ANKAR: variants seen among roughly 807,000 people sequenced by gnomAD.
The protein encoded by ANKAR is ankyrin and armadillo repeat-containing protein.
In ANKAR, 136 loss-of-function variants were observed where a neutral mutation model predicts 146.2. The observed-to-expected ratio is 0.93, with a 90% CI of 0.81 to 1.07. ANKAR has a LOEUF of 1.07. Ranked by LOEUF, ANKAR falls within the 50% of genes least tolerant of loss-of-function variation. The probability of loss-of-function intolerance (pLI) is 0.00; values close to 1 mark genes in which losing one functional copy is unlikely to be tolerated. For missense variants in ANKAR, 1,567 were observed against 1,679.9 expected (o/e 0.93, Z 1.18); for synonymous variants, 500 against 575.8 (o/e 0.87, Z 1.88).
At chr2:189,697,420 A>G (rs989170306) in intron 7 of ANKAR, among the ~76,000 whole-genome samples, 1 of 152,126 alleles carries the variant, frequency 6.6e-6, no homozygotes, top group African/African-American at 2.4e-5. Flanking sequence ...GTGATTTTAT[A>G]TTTAATGAAG....
chr2:189,708,036 A>G (rs941607535), intron 9 of ANKAR, among the ~76,000 whole-genome samples: 26 of 152,192 alleles, frequency 1.7e-4, no homozygotes, highest in African/African-American at 6.3e-4. Flanking sequence ...AATAGAAAGG[A>G]GAGGGACCCG....
At position 189,728,604 on chromosome 2, in the gene ANKAR, A is replaced by G. The variant is rs1343941457; in HGVS notation, c.3032-56A>G. 2.5e-6 allele frequency: 4 copies of G among 1,578,048 alleles called. No individual in the cohort carries two copies. In the East Asian group the frequency reaches 6.7e-5, roughly 26 times the overall value. On this transcript the variant is annotated intron_variant, in intron 14 of 22. Coordinates refer to ENST00000684021, the MANE Select transcript of ANKAR (RefSeq NM_001378068.1). ...AAGTGTCAGCCACCGTGTCCTCTGC[A>G]TAATGTAGAACAGGGCACTGGAGTA...
Position 189,738,623 on chromosome 2 carries a change from G to A in ANKAR, c.3641G>A (p.Gly1214Asp). 1 of 1,612,616 alleles carries A rather than the reference G, an allele frequency of 6.2e-7. No homozygotes were observed. Among genetic ancestry groups the A allele is most frequent in the Non-Finnish European group, 8.5e-7 (1 of 1,179,220 alleles). Residue 1214 changes from glycine to aspartate, a missense_variant, in exon 19 of 23, where the codon GGT (glycine) becomes GAT (aspartate). Gly to Asp is a moderately conservative substitution (Grantham distance 94, BLOSUM62 -1). Coordinates refer to ENST00000684021, the MANE Select transcript of ANKAR (RefSeq NM_001378068.1). Reference sequence around the variant, plus strand: ...GACCATATTACTTTGTCTGCAAGAGGTGTTACTATTTTAGTTGATAGTCTG... The same window carrying A: ...GACCATATTACTTTGTCTGCAAGAGATGTTACTATTTTAGTTGATAGTCTG... ...DMDHITLSAR[G>D]VTILVDSLYS...
chr2:189,722,836 C>T (rs1052698086), intron 12 of ANKAR, among the ~76,000 whole-genome samples: 1 of 150,240 alleles, frequency 6.7e-6, no homozygotes, highest in African/African-American at 2.4e-5. Flanking sequence ...GAGCCGAGAT[C>T]ATGCCACTGC....
chr2:189,725,966 C>T (rs1276705713), intron 12 of ANKAR, among the ~76,000 whole-genome samples: 1 of 152,042 alleles, frequency 6.6e-6, no homozygotes, highest in African/African-American at 2.4e-5. Flanking sequence ...AGCCTGTGCC[C>T]TCATCCTGAT....
intron 19 of ANKAR, among the ~76,000 whole-genome samples, chr2:189,739,176 C>T (rs549610248): frequency 6.2e-4 from 94 of 152,282 alleles, no homozygotes; most frequent in African/African-American, 2.2e-3. Flanking sequence ...ATAACTGTGT[C>T]TACTGCAGAC....
intron 17 of ANKAR, 55 bp from the exon 18 acceptor site, chr2:189,737,623 ATTATG>A: frequency 6.8e-7 from 1 of 1,471,152 alleles, no homozygotes; most frequent in Non-Finnish European, 9.1e-7. Flanking sequence ...CTTAAAGTCT[ATTATG>A]TTGAGTAACA....
chr2:189,752,838 C>T (rs2045488178), intron 18 of ANKAR: 1 of 1,613,480 alleles, frequency 6.2e-7, no homozygotes. Flanking sequence ...CACGTATATC[C>T]TGTGGCTTAC....
At chr2:189,744,387 C>T (rs529314802) in intron 21 of ANKAR, among the ~76,000 whole-genome samples, 43 of 152,298 alleles carry the variant, frequency 2.8e-4, no homozygotes, top group African/African-American at 9.6e-4. Context: ...TAGTATTTTA[C>T]ACAGTCACTC....
chr2:189,681,961 C>T (rs1361063178), intron 2 of ANKAR, among the ~76,000 whole-genome samples: 1 of 152,156 alleles, frequency 6.6e-6, no homozygotes, highest in Non-Finnish European at 1.5e-5. Flanking sequence ...CACCCTTTTC[C>T]ACTGCAACAG....
intron 7 of ANKAR, among the ~76,000 whole-genome samples, chr2:189,696,820 G>A (rs1559077988): frequency 1.3e-5 from 2 of 152,110 alleles, no homozygotes; most frequent in African/African-American, 4.8e-5. Flanking sequence ...GGTCCCAGTA[G>A]AACAATCATT....
intron 2 of ANKAR, among the ~76,000 whole-genome samples, chr2:189,688,480 T>C (rs2105789276): frequency 6.6e-6 from 1 of 152,346 alleles, no homozygotes; most frequent in Non-Finnish European, 1.5e-5. Flanking sequence ...GATTATTTTT[T>C]CTATTTCTAT....
At chr2:189,739,848 C>T (rs539288041) in intron 19 of ANKAR, among the ~76,000 whole-genome samples, 35 of 152,252 alleles carry the variant, frequency 2.3e-4, no homozygotes, top group Admixed American at 2.2e-3. Flanking sequence ...AGGTATGAGC[C>T]ACCACACCTG....
downstream of ANKAR, chr2:189,761,516 A>C: frequency 6.2e-7 from 1 of 1,613,330 alleles, no homozygotes; most frequent in Non-Finnish European, 8.5e-7. Flanking sequence ...ACTAGTTTCA[A>C]TTCCCAATAC....
Position 189,719,739 on chromosome 2 carries a change from G to A in ANKAR, c.2392G>A (p.Glu798Lys). 1 of 1,613,804 alleles carries A rather than the reference G, an allele frequency of 6.2e-7. No individual in the cohort carries two copies. Among genetic ancestry groups the A allele is most frequent in the Non-Finnish European group, 8.5e-7 (1 of 1,179,718 alleles). ...LINLLVCDEP[E>K]VHSRCAVILY... ...CAACCTACTGGTTTGTGATGAGCCT[G>A]AAGTACACTCTCGCTGTGCTGTCAT... The change falls in exon 11 of 23, where the codon GAA becomes AAA. Residue 798 changes from glutamate to lysine, a missense_variant. By Grantham distance (56) the Glu-to-Lys change is moderately conservative (BLOSUM62 1). Transcript: ENST00000684021.
In ANKAR at chr2:189,742,971, CACACACACA is replaced by C. The variant is rs558116332; in HGVS notation, c.3811-303_3811-295del. 7.6e-4 allele frequency among the ~76,000 whole-genome samples: 97 copies of C among 127,130 alleles called. 1 individual carries two copies. Among genetic ancestry groups the C allele is most frequent in the Non-Finnish European group, 1.3e-3 (78 of 58,338 alleles). The allele number at this position is 127,130 out of a possible 152,430, so 83.4% of individuals were successfully genotyped here. A position where few individuals can be genotyped will look rare whatever the true frequency, so the allele number is the denominator to read the frequency against. The stretch of plus-strand genomic sequence containing the variant: ...ACACACACACACACACACACACACA[CACACACACA>C]CCCCTGAAAGGATTCTGATTTAGTT... On this transcript the variant is annotated intron_variant, in intron 20 of 22. Coordinates refer to ENST00000684021, the MANE Select transcript of ANKAR (RefSeq NM_001378068.1).
intron 10 of ANKAR, 151 bp from the exon 11 acceptor site, chr2:189,719,421 A>G (rs2040978134): frequency 3.6e-6 from 2 of 557,006 alleles, no homozygotes; most frequent in East Asian, 9.6e-5. Context: ...GTAGTTTCAA[A>G]TGATAATTTT....
chr2:189,715,466 A>G (rs2105748077), intron 10 of ANKAR, among the ~76,000 whole-genome samples: 1 of 152,312 alleles, frequency 6.6e-6, no homozygotes, highest in South Asian at 2.1e-4. Flanking sequence ...CAACCAAAAG[A>G]AGTTCAGGAC....
chr2:189,762,674 A>G, downstream of ANKAR: 1 of 985,172 alleles, frequency 1.0e-6, no homozygotes, highest in Non-Finnish European at 1.2e-6. Flanking sequence ...AGAGTGAGCA[A>G]TTTCACCCAC....
Sources: allele counts gnomAD v4.1 joint callset (sites outside exome capture counted in the v4.1 genomes callset), GRCh38; gene constraint gnomAD v4.1.1; transcripts MANE v1.5; gene names NCBI Gene and HGNC (gene_info 2026-07-23, HGNC 2026-07-21).